The following SEPTIN6 variants were observed in gnomAD, a reference collection of about 807,000 sequenced individuals.
SEPTIN6 encodes septin 6.
A neutral mutation model predicts 33.6 loss-of-function variants in SEPTIN6; 8 were observed. The observed-to-expected ratio is 0.24, with a 90% CI of 0.14 to 0.43. SEPTIN6 has a LOEUF of 0.43. Among genes scored for constraint, SEPTIN6 ranks in the 20% least tolerant of loss-of-function variants. The pLI is 1.00. For missense variants in SEPTIN6, 250 were observed against 340.8 expected, an observed-to-expected ratio of 0.73 and a Z score of 2.10; for synonymous variants, 131 against 140.0, an observed-to-expected ratio of 0.94 and a Z score of 0.45.
chrX:119,690,338 T>TACACACACACACACAC (rs1457561819), intron 1 of SEPTIN6, among the ~76,000 whole-genome samples: 1 of 67,321 alleles, frequency 1.5e-5, no homozygotes, highest in African/African-American at 4.3e-5. Context: ...ACCCCCCACA[T>TACACACACACACACAC]ACATACACAT....
chrX:119,663,449 C>A, intron 3 of SEPTIN6, 33 bp downstream of exon 3: 7 of 518,414 alleles, frequency 1.4e-5, no homozygotes, highest in African/African-American at 2.4e-5. Flanking sequence ...CTACCAACCT[C>A]CCCACCCTAC....
intron 2 of SEPTIN6, among the ~76,000 whole-genome samples, chrX:119,667,072 G>A (rs777436542): frequency 2.3e-4 from 25 of 110,970 alleles, no homozygotes; most frequent in African/African-American, 8.2e-4. Flanking sequence ...ACAGAAGGGA[G>A]CACATGGAAC....
chrX:119,660,437 G>A (rs73637875), intron 3 of SEPTIN6, among the ~76,000 whole-genome samples: 4,311 of 112,033 alleles, frequency 0.038, 93 homozygotes, highest in African/African-American at 0.079. Context: ...TTTATTATAA[G>A]TATGTATCAC....
intron 1 of SEPTIN6, among the ~76,000 whole-genome samples, chrX:119,677,159 C>T (rs1267387870): frequency 8.9e-6 from 1 of 111,926 alleles, no homozygotes; most frequent in African/African-American, 3.2e-5. Flanking sequence ...AAGCTGCCTC[C>T]GTGCTTCCTC....
intron 3 of SEPTIN6, among the ~76,000 whole-genome samples, chrX:119,657,174 G>A (rs377087885): frequency 3.8e-5 from 4 of 104,029 alleles, no homozygotes; most frequent in Admixed American, 1.0e-4. Context: ...AGCCGAGATC[G>A]CACCACTGCA....
In SEPTIN6 at chrX:119,629,336, C is replaced by T. The variant is rs1045609413; in HGVS notation, c.1262G>A (p.Arg421Lys). 8.3e-7 allele frequency: 1 copy of T among 1,211,379 alleles called. No individual in the cohort carries two copies. Among genetic ancestry groups the T allele is most frequent in the South Asian group, 1.8e-5 (1 of 56,996 alleles). Residue 421 changes from arginine (R) to lysine (K), a missense_variant, in exon 9 of 11, where the codon AGA becomes AAA. This residue lies in a region of SEPTIN6 where 139 missense variants were observed against 227.0 expected (regional missense o/e 0.61). Transcript: ENST00000394610. ...SQAGGSQTLKRDKEKKN is the reference protein window; with the variant it reads ...SQAGGSQTLKKDKEKKN ...TACTTACTTTTTCTTCTCTTTGTCT[C>T]TCTTCAGAGTCTGTGAGCCTCCAGC...
At chrX:119,647,979 T>TTTTTTTTTTTTTTTTTTTTTTTTTG in intron 5 of SEPTIN6, among the ~76,000 whole-genome samples, 1 of 106,751 alleles carries the variant, frequency 9.4e-6, no homozygotes, top group Admixed American at 9.9e-5. Flanking sequence ...TAAATTTCAG[T>TTTTTTTTTTTTTTTTTTTTTTTTTG]AGAGATGAGG....
At chrX:119,678,291 T>C (rs5957207) in intron 1 of SEPTIN6, among the ~76,000 whole-genome samples, 32,359 of 108,124 alleles carry the variant, frequency 0.3, 4,794 homozygotes, top group African/African-American at 0.57. Context: ...GAGGCCGAGG[T>C]GGGCGGATCA....
intron 4 of SEPTIN6, 74 bp downstream of exon 4, chrX:119,652,780 G>A (rs777499020): frequency 4.6e-4 from 416 of 904,126 alleles, no homozygotes; most frequent in Middle Eastern, 6.4e-4. Flanking sequence ...AATCTCTCCC[G>A]GAATCCCACA....
intron 2 of SEPTIN6, among the ~76,000 whole-genome samples, chrX:119,664,859 A>AAAAAAAAAT (rs1391573322): frequency 9.4e-6 from 1 of 106,476 alleles, no homozygotes; most frequent in African/African-American, 3.4e-5. Flanking sequence ...AAAAAAAAAA[A>AAAAAAAAAT]AAGACAGCGG....
At chrX:119,648,393 G>A (rs1051032362) in intron 5 of SEPTIN6, among the ~76,000 whole-genome samples, 1 of 111,660 alleles carries the variant, frequency 9.0e-6, no homozygotes, top group Admixed American at 9.5e-5. Flanking sequence ...AGACATCAGT[G>A]CCCGTGGCAC....
At chrX:119,641,092 T>C (rs1458524276) in intron 5 of SEPTIN6, among the ~76,000 whole-genome samples, 1 of 112,140 alleles carries the variant, frequency 8.9e-6, no homozygotes. Context: ...CTATTCGCTA[T>C]TCATAGTTAC....
At chrX:119,616,051 G>T (rs1307530287), downstream of SEPTIN6, 1 of 180,623 alleles carries the variant, frequency 5.5e-6, no homozygotes, top group Non-Finnish European at 1.1e-5. Context: ...CAACATCAAA[G>T]CTCTCCCTCC....
chrX:119,632,771 G>C (rs1479736487), intron 8 of SEPTIN6, among the ~76,000 whole-genome samples: 1 of 111,435 alleles, frequency 9.0e-6, no homozygotes, highest in Non-Finnish European at 1.9e-5. Flanking sequence ...GGGACTATAG[G>C]CATGTGCCAC....
intron 9 of SEPTIN6, 160 bp downstream of exon 9, chrX:119,629,158 A>G: frequency 2.1e-6 from 1 of 481,065 alleles, no homozygotes; most frequent in Non-Finnish European, 3.5e-6. Flanking sequence ...CAAAGGTGCC[A>G]CAGGGATGCT....
At chrX:119,684,474 T>C (rs1302752930) in intron 1 of SEPTIN6, among the ~76,000 whole-genome samples, 1 of 102,443 alleles carries the variant, frequency 9.8e-6, no homozygotes, top group Non-Finnish European at 2.0e-5. Context: ...ACTGATAAGT[T>C]CCCAGAGGTT....
chrX:119,678,585 C>G (rs1278713589), intron 1 of SEPTIN6, among the ~76,000 whole-genome samples: 4 of 111,645 alleles, frequency 3.6e-5, no homozygotes, highest in African/African-American at 1.3e-4. Flanking sequence ...AGGCTTTGTT[C>G]TACGTTCACC....
intron 5 of SEPTIN6, among the ~76,000 whole-genome samples, chrX:119,644,854 A>G (rs1334235085): frequency 9.1e-6 from 1 of 109,669 alleles, no homozygotes. Flanking sequence ...CCATCTCAAA[A>G]AAAAAGGGCC....
In SEPTIN6 at chrX:119,625,895, A is replaced by G. The variant is rs565206650; in HGVS notation, c.1281-516T>C. ...TAGGGGCAGCTAAAGGAAATTCTGA[A>G]TATGTGACTCTTAGATCCAACCACC... On this transcript the variant is annotated intron_variant, in intron 9 of 10. Transcript: ENST00000394610. Among the ~76,000 whole-genome samples the G allele has an allele frequency of 2.9e-4, 32 of 111,436 alleles. No individual in the cohort carries two copies. In the South Asian group the frequency reaches 3.7e-3, roughly 13 times the overall value.
Sources: allele counts gnomAD v4.1 joint callset (sites outside exome capture counted in the v4.1 genomes callset), GRCh38; gene constraint gnomAD v4.1.1; regional missense constraint gnomAD v4.1.1; transcripts MANE v1.5; gene names NCBI Gene and HGNC (gene_info 2026-07-23, HGNC 2026-07-21).